The following PIR variants were observed in gnomAD, a reference collection of about 807,000 sequenced individuals.
PIR encodes pirin.
In PIR, 22 loss-of-function variants were observed where a neutral mutation model predicts 24.2. The observed-to-expected ratio is 0.91, with a 90% CI of 0.65 to 1.30. The LOEUF is 1.30. PIR is among the 50% of genes most tolerant of loss of function. The pLI, the probability that PIR is intolerant of heterozygous loss-of-function variation, is 0.00. For missense variants in PIR, 220 were observed against 220.3 expected, an observed-to-expected ratio of 1.00 and a Z score of 0.01; for synonymous variants, 80 against 79.6, an observed-to-expected ratio of 1.00 and a Z score of -0.03.
intron 5 of PIR, among the ~76,000 whole-genome samples, chrX:15,449,676 A>G (rs1307929058): frequency 8.9e-6 from 1 of 111,996 alleles, no homozygotes. Flanking sequence ...ATATTACAGT[A>G]TTTTTCTTAG....
chrX:15,424,013 T>C (rs1370059172), intron 6 of PIR, among the ~76,000 whole-genome samples: 1 of 111,930 alleles, frequency 8.9e-6, no homozygotes, highest in Non-Finnish European at 1.9e-5. Flanking sequence ...AGTATGAAGG[T>C]TCCTCAAAAA....
intron 3 of PIR, among the ~76,000 whole-genome samples, chrX:15,473,537 C>T (rs1922035536): frequency 9.0e-6 from 1 of 111,069 alleles, no homozygotes; most frequent in Admixed American, 9.5e-5. Context: ...ATTTTGAATA[C>T]TTTTTTATTT....
chrX:15,476,734 C>T (rs1459045635), intron 3 of PIR, among the ~76,000 whole-genome samples: 1 of 110,870 alleles, frequency 9.0e-6, no homozygotes, highest in Admixed American at 9.6e-5. Flanking sequence ...ATCAATCTCG[C>T]TCAAATAAGA....
At chrX:15,464,488 T>C in intron 3 of PIR, 1 of 674,729 alleles carries the variant, frequency 1.5e-6, no homozygotes, top group Non-Finnish European at 1.8e-6. Context: ...TTAGGTGAAC[T>C]GGGGCTGGAT....
chrX:15,419,430 T>TACAG (rs1237910609), intron 6 of PIR, among the ~76,000 whole-genome samples: 1 of 90,123 alleles, frequency 1.1e-5, no homozygotes, highest in South Asian at 5.3e-4. Flanking sequence ...GAGAGAGAGA[T>TACAG]ACAGACAGAC....
At chrX:15,467,431 G>A (rs1921660147) in intron 3 of PIR, among the ~76,000 whole-genome samples, 1 of 112,336 alleles carries the variant, frequency 8.9e-6, no homozygotes, top group South Asian at 3.7e-4. Flanking sequence ...AGAACTGCAG[G>A]GATTTCACAC....
chrX:15,466,817 C>T (rs960235629), intron 3 of PIR, among the ~76,000 whole-genome samples: 1 of 111,803 alleles, frequency 8.9e-6, no homozygotes, highest in Admixed American at 9.4e-5. Context: ...TTCACTCAGG[C>T]CTCTGTTCAA....
At chrX:15,417,094 C>T (rs1393702509) in intron 6 of PIR, among the ~76,000 whole-genome samples, 3 of 110,286 alleles carry the variant, frequency 2.7e-5, no homozygotes, top group Non-Finnish European at 5.7e-5. Context: ...GGACTATAGG[C>T]CCGCACGACC....
intron 6 of PIR, among the ~76,000 whole-genome samples, chrX:15,421,113 G>T (rs1465536539): frequency 1.8e-5 from 2 of 111,722 alleles, no homozygotes; most frequent in Non-Finnish European, 1.9e-5. Context: ...AGGGATTGGA[G>T]GAAAGCAACT....
chrX:15,448,092 AG>A (rs1926169528), intron 5 of PIR, among the ~76,000 whole-genome samples: 1 of 112,271 alleles, frequency 8.9e-6, no homozygotes, highest in South Asian at 3.7e-4. Flanking sequence ...TGAATGAATA[AG>A]AACATCTGGC....
At chrX:15,388,257 C>T (rs965065522) in intron 9 of PIR, among the ~76,000 whole-genome samples, 2 of 112,059 alleles carry the variant, frequency 1.8e-5, no homozygotes, top group Admixed American at 1.9e-4. Flanking sequence ...TATAGTGGAG[C>T]GAACATAAGA....
intron 6 of PIR, 25 bp downstream of exon 6, chrX:15,425,881 T>C: frequency 1.1e-6 from 1 of 908,498 alleles, no homozygotes; most frequent in Non-Finnish European, 1.6e-6. Flanking sequence ...CTGACGTGAC[T>C]ACTAAACCCC....
intron 6 of PIR, among the ~76,000 whole-genome samples, chrX:15,414,801 C>T (rs1221026986): frequency 2.7e-5 from 3 of 110,632 alleles, no homozygotes; most frequent in Non-Finnish European, 5.7e-5. Flanking sequence ...AGCCACCATG[C>T]CCAGCCTGAG....
intron 3 of PIR, among the ~76,000 whole-genome samples, chrX:15,472,020 G>A (rs766972571): frequency 1.8e-5 from 2 of 111,330 alleles, no homozygotes; most frequent in Non-Finnish European, 3.8e-5. Flanking sequence ...AGCTTATCTG[G>A]TTGACAGGAA....
chrX:15,408,757 A>G (rs762745723), intron 6 of PIR, among the ~76,000 whole-genome samples: 30 of 112,051 alleles, frequency 2.7e-4, no homozygotes, highest in Admixed American at 2.6e-3. Context: ...GACAGAGCCC[A>G]CACTGGAGTC....
intron 5 of PIR, among the ~76,000 whole-genome samples, chrX:15,446,114 C>A (rs947348837): frequency 9.0e-6 from 1 of 110,957 alleles, no homozygotes; most frequent in Non-Finnish European, 1.9e-5. Context: ...CAGGCGTGAG[C>A]CACCACACCC....
intron 6 of PIR, among the ~76,000 whole-genome samples, chrX:15,411,535 G>A (rs1924741088): frequency 9.0e-6 from 1 of 110,952 alleles, no homozygotes; most frequent in Admixed American, 9.6e-5. Flanking sequence ...ACACGGCCTG[G>A]TGACACACCA....
chrX:15,392,859 T>C (rs1212735824), intron 8 of PIR, among the ~76,000 whole-genome samples: 2 of 112,414 alleles, frequency 1.8e-5, no homozygotes, highest in African/African-American at 6.5e-5. Flanking sequence ...TTTCTTTCCT[T>C]AACTTGCCTT....
chrX:15,458,247 A>C (rs1010110392), intron 4 of PIR, among the ~76,000 whole-genome samples: 1 of 111,900 alleles, frequency 8.9e-6, no homozygotes, highest in African/African-American at 3.3e-5. Flanking sequence ...TTCTCTTTCC[A>C]TCCTCATCAT....
Sources: gnomAD v4.1 joint callset for allele counts (sites outside exome capture counted in the v4.1 genomes callset) on GRCh38, gnomAD v4.1.1 for gene constraint, MANE v1.5 for transcripts, NCBI Gene and HGNC (gene_info 2026-07-23, HGNC 2026-07-21) for gene names.